The following SLAMF6 variants were observed in gnomAD, a reference collection of about 807,000 sequenced individuals.
SLAMF6 encodes NK-T-B-antigen.
In SLAMF6, 21 loss-of-function variants were observed where a neutral mutation model predicts 38.3. The ratio of observed to expected loss-of-function variants is 0.55; its 90% CI spans 0.39 to 0.79. SLAMF6 has a LOEUF of 0.79. Among genes scored for constraint, SLAMF6 ranks in the 30% least tolerant of loss-of-function variants. SLAMF6 has a pLI of 0.00. For missense variants in SLAMF6, 341 were observed against 385.3 expected (o/e 0.89, Z 0.96); for synonymous variants, 152 against 146.3 (o/e 1.04, Z -0.28).
intron 1 of SLAMF6, among the ~76,000 whole-genome samples, chr1:160,508,398 A>T (rs1163770686): frequency 1.3e-5 from 2 of 152,236 alleles, no homozygotes; most frequent in African/African-American, 4.8e-5. Context: ...GATAAAAACA[A>T]GAAATGGAGA....
rs766499791 is a variant in SLAMF6 at position 160,490,173 on chromosome 1, G to A, written c.796+25C>T. ...GGCTCTTCCCATCTGCTTTATGATG[G>A]AGAGTTAAGAGTCTGAATGCTCACC... On this transcript the variant is annotated intron_variant, in intron 5 of 7. Transcript: ENST00000368057. The A allele has an allele frequency of 1.4e-5, 23 of 1,612,706 alleles. No individual in the cohort carries two copies. In the South Asian group the frequency reaches 2.5e-4, roughly 18 times the overall value.
chr1:160,494,508 A>C (rs1189376531), intron 2 of SLAMF6, among the ~76,000 whole-genome samples: 1 of 152,030 alleles, frequency 6.6e-6, no homozygotes, highest in Non-Finnish European at 1.5e-5. Flanking sequence ...TCTGCGCCCT[A>C]ATTCCCAGAA....
intron 1 of SLAMF6, among the ~76,000 whole-genome samples, chr1:160,498,752 C>A (rs982749331): frequency 2.0e-4 from 31 of 151,948 alleles, no homozygotes; most frequent in Admixed American, 1.2e-3. Flanking sequence ...TTAATAATAG[C>A]CATTCTGACT....
chr1:160,506,948 C>T (rs937323783), intron 1 of SLAMF6, among the ~76,000 whole-genome samples: 2 of 151,924 alleles, frequency 1.3e-5, no homozygotes, highest in East Asian at 1.9e-4. Flanking sequence ...ATAAACTATA[C>T]ATGAAAGAAT....
intron 1 of SLAMF6, among the ~76,000 whole-genome samples, chr1:160,503,538 A>G (rs1190732787): frequency 6.6e-6 from 1 of 152,152 alleles, no homozygotes; most frequent in African/African-American, 2.4e-5. Context: ...AGCAATAGGC[A>G]TAGTATAGGT....
chr1:160,502,281 A>G (rs142105632), intron 1 of SLAMF6, among the ~76,000 whole-genome samples: 374 of 152,332 alleles, frequency 2.5e-3, no homozygotes, highest in Non-Finnish European at 4.6e-3. Context: ...CATGTTGGCT[A>G]CAACTCGTAG....
chr1:160,497,643 C>T (rs964263384), intron 1 of SLAMF6, among the ~76,000 whole-genome samples: 2 of 152,092 alleles, frequency 1.3e-5, no homozygotes, highest in Non-Finnish European at 2.9e-5. Context: ...TTCCTTCCCC[C>T]TCTAGTAGTC....
chr1:160,499,120 C>A (rs903418204), intron 1 of SLAMF6, among the ~76,000 whole-genome samples: 1 of 152,096 alleles, frequency 6.6e-6, no homozygotes, highest in Non-Finnish European at 1.5e-5. Flanking sequence ...GGGGACCTAG[C>A]CAAAAATTCT....
chr1:160,490,461 G>A (rs1571281451), intron 4 of SLAMF6, 114 bp downstream of exon 4: 3 of 1,439,998 alleles, frequency 2.1e-6, no homozygotes, highest in African/African-American at 2.9e-5. Context: ...GCCAGGGTTT[G>A]CAGCCTCCCT....
At chr1:160,519,141 G>A (rs2102071063) in intron 1 of SLAMF6, among the ~76,000 whole-genome samples, 1 of 152,088 alleles carries the variant, frequency 6.6e-6, no homozygotes, top group East Asian at 1.9e-4. Flanking sequence ...AACTAAAATG[G>A]GCAAAGGACT....
intron 2 of SLAMF6, among the ~76,000 whole-genome samples, chr1:160,491,917 T>C (rs1571283863): frequency 6.6e-6 from 1 of 152,084 alleles, no homozygotes; most frequent in Non-Finnish European, 1.5e-5. Context: ...TCCTATTGTA[T>C]CTAAAGCTGG....
At chr1:160,509,116 A>G (rs112824719) in intron 1 of SLAMF6, among the ~76,000 whole-genome samples, 115,294 of 152,098 alleles carry the variant, frequency 0.76, 46,354 homozygotes, top group Non-Finnish European at 0.91. Context: ...AGGATCTAGA[A>G]CTAGAAATAC....
intron 1 of SLAMF6, among the ~76,000 whole-genome samples, chr1:160,507,233 A>G (rs1654232795): frequency 6.6e-6 from 1 of 152,180 alleles, no homozygotes; most frequent in Non-Finnish European, 1.5e-5. Flanking sequence ...AAAGAGAGTT[A>G]CAGTAGCTAT....
intron 1 of SLAMF6, among the ~76,000 whole-genome samples, chr1:160,511,822 T>A (rs766824518): frequency 1.3e-5 from 2 of 151,898 alleles, no homozygotes; most frequent in Non-Finnish European, 2.9e-5. Context: ...GGCTCACTCA[T>A]TGGGACTGAC....
At chr1:160,499,353 A>G (rs1477825370) in intron 1 of SLAMF6, among the ~76,000 whole-genome samples, 1 of 152,204 alleles carries the variant, frequency 6.6e-6, no homozygotes, top group Non-Finnish European at 1.5e-5. Context: ...GGCCTTGTCA[A>G]AAATCAGATG....
chr1:160,518,786 G>A (rs909200865), intron 1 of SLAMF6, among the ~76,000 whole-genome samples: 3 of 152,228 alleles, frequency 2.0e-5, no homozygotes. Context: ...AGGGGGGAGA[G>A]AGAGCATCAG....
At chr1:160,490,926 G>A (rs570886327) in intron 3 of SLAMF6, among the ~76,000 whole-genome samples, 199 bp downstream of exon 3, 4 of 152,262 alleles carry the variant, frequency 2.6e-5, no homozygotes, top group South Asian at 2.1e-4. Flanking sequence ...TAGGTTGGAC[G>A]AGGGGTTGGG....
At chr1:160,492,162 G>T (rs1175357019) in intron 2 of SLAMF6, among the ~76,000 whole-genome samples, 1 of 152,140 alleles carries the variant, frequency 6.6e-6, no homozygotes, top group Non-Finnish European at 1.5e-5. Context: ...TGAACCAATG[G>T]GAACATGGGA....
chr1:160,502,063 G>T lies in SLAMF6; in HGVS notation c.50-5670C>A, dbSNP rs1653930540. On this transcript the variant is annotated intron_variant, in intron 1 of 7. Coordinates refer to ENST00000368057, the MANE Select transcript of SLAMF6 (RefSeq NM_001184714.2). ...GGAGCAGAGCTGCTTCAGGGCCAAG[G>T]TGTTGTGGTGTGGCCCAGAGGGCAC... is the stretch of plus-strand genomic sequence containing the variant. Among the ~76,000 whole-genome samples, 4 of 152,150 alleles carry T rather than the reference G, an allele frequency of 2.6e-5. No individual in the cohort carries two copies. The East Asian group carries it at 7.7e-4, about 29-fold the overall frequency.
Sources: gnomAD v4.1 joint callset for allele counts (sites outside exome capture counted in the v4.1 genomes callset) on GRCh38, gnomAD v4.1.1 for gene constraint, MANE v1.5 for transcripts, NCBI Gene and HGNC (gene_info 2026-07-23, HGNC 2026-07-21) for gene names.